Variants in ITPR2 observed in about 807,000 individuals in gnomAD.
The protein encoded by ITPR2 is inositol 1,4,5-trisphosphate receptor type 2, also known as inositol 1,4,5-trisphosphate-gated calcium channel ITPR2.
In ITPR2, 207 loss-of-function variants were observed where a neutral mutation model predicts 317.1. The ratio of observed to expected loss-of-function variants is 0.65; its 90% CI spans 0.58 to 0.73. ITPR2 has a LOEUF of 0.73. ITPR2 is among the 30% of genes least tolerant of loss of function. The pLI is 0.00. For synonymous variants in ITPR2, 1,156 were observed against 1,149.1 expected (o/e 1.01, Z -0.12); for missense variants, 2,613 against 3,284.0 (o/e 0.80, Z 4.99).
At chr12:26,512,173 A>G (rs113262187) in intron 37 of ITPR2, among the ~76,000 whole-genome samples, 4,577 of 111,166 alleles carry the variant, frequency 0.041, 174 homozygotes, top group African/African-American at 0.11. Context: ...TAAATAAGAT[A>G]GCTACAAAGA....
At chr12:26,688,269 G>C (rs1176564279) in intron 10 of ITPR2, among the ~76,000 whole-genome samples, 1 of 152,038 alleles carries the variant, frequency 6.6e-6, no homozygotes, top group Non-Finnish European at 1.5e-5. Flanking sequence ...TCGAACTCTT[G>C]AGCTCAAGCG....
chr12:26,806,235 T>C (rs919646423), intron 1 of ITPR2, among the ~76,000 whole-genome samples: 2 of 152,156 alleles, frequency 1.3e-5, no homozygotes, highest in Non-Finnish European at 2.9e-5. Context: ...TATAGTGCAG[T>C]TAAGTACTTC....
intron 4 of ITPR2, among the ~76,000 whole-genome samples, chr12:26,723,292 G>GA (rs899170683): frequency 1.1e-4 from 17 of 151,602 alleles, no homozygotes; most frequent in African/African-American, 3.4e-4. Flanking sequence ...TTCTTTAATT[G>GA]AAAAAAAATC....
At chr12:26,697,770 A>G (rs748574542) in intron 9 of ITPR2, among the ~76,000 whole-genome samples, 12 of 151,940 alleles carry the variant, frequency 7.9e-5, no homozygotes, top group Non-Finnish European at 1.6e-4. Context: ...TCCAGCCTGG[A>G]TGACGAAGTG....
intron 26 of ITPR2, among the ~76,000 whole-genome samples, chr12:26,613,076 T>A (rs1946307382): frequency 6.6e-6 from 1 of 152,148 alleles, no homozygotes; most frequent in Non-Finnish European, 1.5e-5. Flanking sequence ...TGAGGGCAAG[T>A]AGAATATGAG....
At chr12:26,776,091 T>C (rs1391173777) in intron 2 of ITPR2, among the ~76,000 whole-genome samples, 2 of 151,824 alleles carry the variant, frequency 1.3e-5, no homozygotes, top group Non-Finnish European at 2.9e-5. Flanking sequence ...GGCTGCTTAA[T>C]ATGATTAGAC....
intron 55 of ITPR2, among the ~76,000 whole-genome samples, chr12:26,341,609 T>C (rs757834311): frequency 6.6e-6 from 1 of 152,166 alleles, no homozygotes; most frequent in Non-Finnish European, 1.5e-5. Context: ...TATTGAAGAG[T>C]TTTAAACTGC....
chr12:26,629,433 A>G (rs1369686652), intron 22 of ITPR2, among the ~76,000 whole-genome samples: 1 of 152,030 alleles, frequency 6.6e-6, no homozygotes, highest in East Asian at 1.9e-4. Context: ...CAAAAACACA[A>G]CAAATTAGCC....
chr12:26,398,065 T>TGC (rs1192785563), intron 54 of ITPR2, among the ~76,000 whole-genome samples: 2 of 146,592 alleles, frequency 1.4e-5, no homozygotes, highest in Non-Finnish European at 3.0e-5. Flanking sequence ...GTGGTGTGTG[T>TGC]GTGTGTGTGT....
chr12:26,719,141 T>C (rs1248141804), intron 5 of ITPR2, among the ~76,000 whole-genome samples: 1 of 152,194 alleles, frequency 6.6e-6, no homozygotes, highest in East Asian at 1.9e-4. Context: ...AAAAAGAATA[T>C]TAAGAAGTTC....
intron 2 of ITPR2, among the ~76,000 whole-genome samples, chr12:26,771,635 C>T (rs1026975232): frequency 6.6e-5 from 10 of 152,178 alleles, no homozygotes; most frequent in Non-Finnish European, 1.0e-4. Context: ...CTGCCTCAGC[C>T]TCCTGAGCAG....
intron 45 of ITPR2, among the ~76,000 whole-genome samples, chr12:26,460,728 C>G (rs1016830667): frequency 1.3e-5 from 2 of 152,108 alleles, no homozygotes; most frequent in Admixed American, 6.5e-5. Flanking sequence ...TCTCTGGGGT[C>G]GGGGTCCCGG....
intron 45 of ITPR2, among the ~76,000 whole-genome samples, chr12:26,449,562 G>A (rs1051379749): frequency 3.9e-5 from 6 of 152,166 alleles, no homozygotes; most frequent in Admixed American, 1.3e-4. Flanking sequence ...AAGGAAAAAT[G>A]AGGGCAGAAT....
rs150425593 is a variant in ITPR2 at position 26,774,010 on chromosome 12, T to TTTC, written c.163+16146_163+16147insGAA. ...TTTTTTTTTTTTTTTTTTTTTTTTT[T>TTTC]AGTATAAAGCATGTAACTCCTGACT... On this transcript the variant is annotated intron_variant, in intron 2 of 56. Coordinates refer to ENST00000381340, the MANE Select transcript of ITPR2 (RefSeq NM_002223.4). Among the ~76,000 whole-genome samples, 871 of 112,102 alleles carry TTTC rather than the reference T, an allele frequency of 7.8e-3. 101 individuals carry two copies. The highest frequency in any genetic ancestry group is 0.014 in the Non-Finnish European group (716 of 52,978). The allele number at this position is 112,102 out of a possible 152,430, so 73.5% of individuals were successfully genotyped here.
intron 9 of ITPR2, among the ~76,000 whole-genome samples, chr12:26,697,043 T>C (rs1460318672): frequency 3.3e-5 from 5 of 152,182 alleles, no homozygotes; most frequent in Non-Finnish European, 5.9e-5. Flanking sequence ...TGCATGATGA[T>C]GCAGAAATAG....
chr12:26,773,865 C>A (rs1949913034), intron 2 of ITPR2, among the ~76,000 whole-genome samples: 1 of 152,002 alleles, frequency 6.6e-6, no homozygotes, highest in Non-Finnish European at 1.5e-5. Context: ...AACTTATTAT[C>A]CAATTTCCAC....
At chr12:26,599,465 T>C in intron 29 of ITPR2, 120 bp from the exon 30 acceptor site, 1 of 848,764 alleles carries the variant, frequency 1.2e-6, no homozygotes, top group East Asian at 2.5e-5. Flanking sequence ...CACAGTGAAT[T>C]TTCTGTGCAT....
At position 26,715,401 on chromosome 12, in the gene ITPR2, CA is replaced by C; in HGVS notation, c.752del (p.Leu251Ter). On this transcript the variant is annotated frameshift_variant, in exon 8 of 57. Coordinates refer to ENST00000381340, the MANE Select transcript of ITPR2 (RefSeq NM_002223.4). LOFTEE classifies it high-confidence loss of function. ...RLFHAEQEKF[L>X]TCDEYEKKQH... ...GTTTTTTCTCATATTCATCACAAGT[CA>C]AAAACTTCTCTTGTTCCGCATGAAA... is the stretch of plus-strand genomic sequence containing the variant. 6.2e-7 allele frequency: 1 copy of C among 1,613,380 alleles called. No individual in the cohort carries two copies. The highest frequency in any genetic ancestry group is 1.1e-5 in the South Asian group (1 of 91,022).
At chr12:26,611,079 T>C (rs1177559567) in intron 26 of ITPR2, among the ~76,000 whole-genome samples, 1 of 152,208 alleles carries the variant, frequency 6.6e-6, no homozygotes, top group African/African-American at 2.4e-5. Flanking sequence ...ACACACAAAC[T>C]GTTCCGGCAC....
Sources: allele counts gnomAD v4.1 joint callset (sites outside exome capture counted in the v4.1 genomes callset), GRCh38; gene constraint gnomAD v4.1.1; transcripts MANE v1.5; gene names NCBI Gene and HGNC (gene_info 2026-07-23, HGNC 2026-07-21).